The following GALNT14 variants were observed in gnomAD, a reference collection of about 807,000 sequenced individuals.
GALNT14 encodes UDP-GalNAc:polypeptide N-acetylgalactosaminyltransferase 14.
In GALNT14, 60 loss-of-function variants were observed where a neutral mutation model predicts 77.5. The observed-to-expected ratio is 0.77, with a 90% confidence interval of 0.63 to 0.96. The LOEUF (loss-of-function observed/expected upper bound fraction) is 0.96. Among genes scored for constraint, GALNT14 ranks in the 40% least tolerant of loss-of-function variants. The pLI is 0.00. For missense variants in GALNT14, 710 were observed against 731.0 expected (o/e 0.97, Z 0.33); for synonymous variants, 280 against 281.7 (o/e 0.99, Z 0.06).
intron 13 of GALNT14, among the ~76,000 whole-genome samples, chr2:30,921,835 T>C (rs769765862): frequency 2.6e-5 from 4 of 152,086 alleles, no homozygotes; most frequent in Non-Finnish European, 4.4e-5. Flanking sequence ...AGTTGTGTGG[T>C]GGGGAGGTGC....
At chr2:30,905,456 T>C in the GALNT14 span, among the ~76,000 whole-genome samples, 9 of 151,990 alleles carry the variant, frequency 5.9e-5, no homozygotes, top group African/African-American at 2.2e-4. Flanking sequence ...GAAGAAAGGG[T>C]ATCAGCGATG....
intron 1 of GALNT14, among the ~76,000 whole-genome samples, chr2:31,066,858 T>C (rs186810356): frequency 2.2e-4 from 33 of 151,834 alleles, no homozygotes; most frequent in African/African-American, 7.5e-4. Context: ...TCTAGTCACA[T>C]AGAAAGCTGC....
At chr2:30,932,354 C>T (rs769585692) in intron 9 of GALNT14, among the ~76,000 whole-genome samples, 160 bp from the exon 10 acceptor site, 1 of 152,222 alleles carries the variant, frequency 6.6e-6, no homozygotes, top group Non-Finnish European at 1.5e-5. Flanking sequence ...GTTTCCCCAT[C>T]CATAAATGGG....
chr2:30,992,755 C>T, intron 2 of GALNT14, 83 bp downstream of exon 2: 2 of 1,469,152 alleles, frequency 1.4e-6, no homozygotes, highest in Non-Finnish European at 1.9e-6. Flanking sequence ...AGCACTGGTG[C>T]TGCATACAGC....
At chr2:31,039,615 A>G (rs908100837) in intron 1 of GALNT14, among the ~76,000 whole-genome samples, 4 of 152,316 alleles carry the variant, frequency 2.6e-5, no homozygotes, top group African/African-American at 9.6e-5. Flanking sequence ...TCAACCACTG[A>G]TAGAACCTCA....
intron 11 of GALNT14, among the ~76,000 whole-genome samples, chr2:30,928,160 C>G (rs945462472): frequency 2.0e-5 from 3 of 152,118 alleles, no homozygotes; most frequent in African/African-American, 7.2e-5. Flanking sequence ...TGAGGGGCAG[C>G]ATGGATTTAT....
chr2:31,014,974 C>G (rs928147175), intron 1 of GALNT14, among the ~76,000 whole-genome samples: 2 of 152,106 alleles, frequency 1.3e-5, no homozygotes, highest in Non-Finnish European at 2.9e-5. Flanking sequence ...TCTGAAGAAT[C>G]AACCACTCGC....
chr2:30,952,074 G>A (rs1469001545), intron 6 of GALNT14, among the ~76,000 whole-genome samples: 1 of 152,106 alleles, frequency 6.6e-6, no homozygotes, highest in Non-Finnish European at 1.5e-5. Flanking sequence ...CCATTCTCTC[G>A]GCAAGGAGCA....
downstream of GALNT14, among the ~76,000 whole-genome samples, chr2:30,909,585 A>G (rs1270318761): frequency 1.3e-5 from 2 of 151,180 alleles, no homozygotes; most frequent in Non-Finnish European, 3.0e-5. Context: ...GATGTGGAGA[A>G]ATAGGAACAC....
chr2:30,941,556 TGCTGTTTCTCCTGTG>T (rs1216716004), intron 9 of GALNT14, among the ~76,000 whole-genome samples: 1 of 152,232 alleles, frequency 6.6e-6, no homozygotes, highest in Non-Finnish European at 1.5e-5. Context: ...TTTCTGACTG[TGCTGTTTCTCCTGTG>T]GCTGCAAGCC....
intron 9 of GALNT14, 95 bp from the exon 10 acceptor site, chr2:30,932,289 G>T (rs896808975): frequency 2.5e-6 from 3 of 1,219,386 alleles, no homozygotes; most frequent in Non-Finnish European, 3.2e-6. Flanking sequence ...CCCCGCAGAG[G>T]CGAAAGAACA....
intron 1 of GALNT14, among the ~76,000 whole-genome samples, chr2:31,050,901 G>C (rs1352126672): frequency 6.6e-6 from 1 of 151,916 alleles, no homozygotes; most frequent in East Asian, 1.9e-4. Context: ...TCACTGGAGA[G>C]ACAGCCTGTG....
At chr2:31,121,040 A>G (rs1284988492) in intron 1 of GALNT14, among the ~76,000 whole-genome samples, 1 of 152,214 alleles carries the variant, frequency 6.6e-6, no homozygotes, top group Non-Finnish European at 1.5e-5. Context: ...CTTGGTGTAC[A>G]CAAGAAAGAA....
chr2:31,132,694 A>T, intron 1 of GALNT14: 1 of 471,084 alleles, frequency 2.1e-6, no homozygotes, highest in Non-Finnish European at 4.4e-6. Flanking sequence ...TGTAGGCTGC[A>T]CTAACTTTGG....
intron 1 of GALNT14, among the ~76,000 whole-genome samples, chr2:31,037,956 G>C: frequency 6.6e-6 from 1 of 150,824 alleles, no homozygotes; most frequent in East Asian, 1.9e-4. Context: ...TCCTACTTGT[G>C]TGCATGGCAT....
In GALNT14 at chr2:31,137,992, T is replaced by C. The variant is rs780164602; in HGVS notation, c.95A>G (p.Glu32Gly). ...LFFWVTKRKL[E>G]VPTGPEVQTP... is the part of the protein sequence containing the mutation. ...CTGCACTTCAGGTCCCGTCGGCACCTCCAACTTCCTCTTGGTTACCCAGAA... is the reference window on the plus strand; with the variant it reads ...CTGCACTTCAGGTCCCGTCGGCACCCCCAACTTCCTCTTGGTTACCCAGAA... The change falls in exon 1 of 15, where the codon GAG (glutamate) becomes GGG (glycine). Residue 32 changes from glutamate (E) to glycine (G), a missense_variant. Transcript: ENST00000349752. The C allele has an allele frequency of 4.3e-6, 7 of 1,613,676 alleles. No individual in the cohort carries two copies. The highest frequency in any genetic ancestry group is 5.9e-6 in the Non-Finnish European group (7 of 1,179,744).
chr2:31,089,060 A>T (rs576385169), intron 1 of GALNT14, among the ~76,000 whole-genome samples: 1 of 152,170 alleles, frequency 6.6e-6, no homozygotes, highest in Non-Finnish European at 1.5e-5. Context: ...TAGCCTGGGG[A>T]GGAGGTGTCT....
chr2:30,942,713 C>T (rs770712954), intron 8 of GALNT14, among the ~76,000 whole-genome samples: 2 of 152,184 alleles, frequency 1.3e-5, no homozygotes, highest in Non-Finnish European at 2.9e-5. Flanking sequence ...GGACAGTGGG[C>T]TACCGACCAC....
Position 31,023,301 on chromosome 2 carries a change from T to C in GALNT14, c.130-30294A>G, listed in dbSNP as rs1573183137. On this transcript the variant is annotated intron_variant, in intron 1 of 14. Coordinates refer to ENST00000349752, the MANE Select transcript of GALNT14 (RefSeq NM_024572.4). Reference sequence around the variant, plus strand: ...AGTAAGTTAGGTTAAGACCACAGCATGGATGGCCTTCATCACCCATTGTGT... The same window carrying C: ...AGTAAGTTAGGTTAAGACCACAGCACGGATGGCCTTCATCACCCATTGTGT... Among the ~76,000 whole-genome samples the C allele has an allele frequency of 2.0e-5, 3 of 152,264 alleles. No homozygotes were observed. The South Asian group carries it at 6.2e-4, about 32-fold the overall frequency.
Sources: gnomAD v4.1 joint callset for allele counts (sites outside exome capture counted in the v4.1 genomes callset) on GRCh38, gnomAD v4.1.1 for gene constraint, MANE v1.5 for transcripts, NCBI Gene and HGNC (gene_info 2026-07-23, HGNC 2026-07-21) for gene names.